RBM39: variants seen among roughly 807,000 people sequenced by gnomAD.
RBM39 encodes the protein RNA-binding protein 39.
A neutral mutation model predicts 79.6 loss-of-function variants in RBM39; 12 were observed. The ratio of observed to expected loss-of-function variants is 0.15; its 90% CI spans 0.10 to 0.24. The LOEUF (loss-of-function observed/expected upper bound fraction) is 0.24, where lower values mean the gene tolerates loss of function less well. Among genes scored for constraint, RBM39 ranks in the 10% least tolerant of loss-of-function variants. RBM39 has a pLI of 1.00. For synonymous variants in RBM39, 185 were observed against 208.4 expected, an observed-to-expected ratio of 0.89 and a Z score of 0.97; for missense variants, 243 against 653.4, an observed-to-expected ratio of 0.37 and a Z score of 6.85.
rs1231759251 is a variant in RBM39 at position 35,703,037 on chromosome 20, A to G, written c.*1444T>C. The G allele has an allele frequency of 6.6e-6, 1 of 152,168 alleles. No homozygotes were observed. Among genetic ancestry groups the G allele is most frequent in the Admixed American group, 6.5e-5 (1 of 15,276 alleles). The allele number at this position is 152,168 out of a possible 1,614,324, so 9.4% of individuals were successfully genotyped here. On this transcript the variant is annotated 3_prime_UTR_variant, in exon 17 of 17. Coordinates refer to ENST00000253363, the MANE Select transcript of RBM39 (RefSeq NM_184234.3). The stretch of plus-strand genomic sequence containing the variant: ...ATAAGCCTGTAAAACTTGTGCTTCA[A>G]TGCTAACAAAAAAAAAAGTTGAACA...
intron 10 of RBM39, among the ~76,000 whole-genome samples, chr20:35,715,010 T>C (rs1174973354): frequency 3.3e-5 from 5 of 152,240 alleles, no homozygotes; most frequent in Non-Finnish European, 5.9e-5. Context: ...CACCAGTTCA[T>C]TGACGTACGT....
At chr20:35,739,788 C>T (rs2146756723) in intron 2 of RBM39, 1 of 254,604 alleles carries the variant, frequency 3.9e-6, no homozygotes, top group South Asian at 4.3e-5. Context: ...ATCAAGAATT[C>T]ATCCAAATTG....
chr20:35,741,466 G>A (rs1200040205), intron 1 of RBM39: 2 of 152,368 alleles, frequency 1.3e-5, no homozygotes, highest in Admixed American at 1.3e-4. Flanking sequence ...GCTTACGTAA[G>A]TAAATCCAAA....
At position 35,732,321 on chromosome 20, in the gene RBM39, G is replaced by GC. The variant is rs1412677844; in HGVS notation, c.102-187dup. The GC allele has an allele frequency of 6.3e-5, 38 of 602,824 alleles. No individual in the cohort carries two copies. In the African/African-American group the frequency reaches 6.3e-4, roughly 10 times the overall value. 37.3% of individuals were successfully genotyped at this position (602,824 alleles called of 1,614,324 possible). A position where few individuals can be genotyped will look rare whatever the true frequency, so the allele number is the denominator to read the frequency against. On this transcript the variant is annotated intron_variant, in intron 3 of 16. Coordinates refer to ENST00000253363, the MANE Select transcript of RBM39 (RefSeq NM_184234.3). ...TCCTGTAATCTCAGCACTTTGGTAG[G>GC]CCGAGGCAGGCAGATCACAAGGTCA...
At position 35,741,030 on chromosome 20, in the gene RBM39, CT is replaced by C. The variant is rs572102658; in HGVS notation, c.-13-144del. ...GACGATTCCGTGAGTAAACATTTTT[CT>C]TTTTTTTTTTTTTTTTTTTTGAGAC... On this transcript the variant is annotated intron_variant, in intron 1 of 16. Transcript: ENST00000253363. 6.2e-3 allele frequency: 795 copies of C among 127,250 alleles called. 10 individuals are homozygous for C. Among genetic ancestry groups the C allele is most frequent in the African/African-American group, 0.035 (681 of 19,334 alleles). The allele number at this position is 127,250 out of a possible 1,614,324, so 7.9% of individuals were successfully genotyped here. A position where few individuals can be genotyped will look rare whatever the true frequency, so the allele number is the denominator to read the frequency against.
intron 7 of RBM39, 104 bp from the exon 8 acceptor site, chr20:35,724,826 TAAA>T: frequency 7.4e-7 from 1 of 1,344,524 alleles, no homozygotes; most frequent in South Asian, 1.4e-5. Flanking sequence ...AAAATTTAAT[TAAA>T]AAAGTAAATC....
At chr20:35,722,942 A>G (rs866299087) in intron 8 of RBM39, among the ~76,000 whole-genome samples, 6,859 of 151,594 alleles carry the variant, frequency 0.045, 194 homozygotes, top group African/African-American at 0.082. Context: ...TCAAGAGAAA[A>G]AAAAAAAAAA....
chr20:35,715,154 T>C (rs2036950765), intron 10 of RBM39, among the ~76,000 whole-genome samples: 1 of 152,200 alleles, frequency 6.6e-6, no homozygotes, highest in Admixed American at 6.5e-5. Context: ...TTAAAAATAC[T>C]ATGTTTCCAG....
At chr20:35,738,685 TAACAAATTTAAAAC>T (rs1217364730) in intron 3 of RBM39, among the ~76,000 whole-genome samples, 1 of 152,158 alleles carries the variant, frequency 6.6e-6, no homozygotes, top group Non-Finnish European at 1.5e-5. Flanking sequence ...AAACCAAAGT[TAACAAATTTAAAAC>T]AAGACAACCT....
intron 3 of RBM39, among the ~76,000 whole-genome samples, chr20:35,736,350 G>C (rs949186780): frequency 2.6e-5 from 4 of 151,782 alleles, no homozygotes; most frequent in Non-Finnish European, 5.9e-5. Context: ...TCCCATCCAA[G>C]CTTATACCAG....
At chr20:35,707,042 A>AAG in intron 14 of RBM39, 78 bp downstream of exon 14, 1 of 667,264 alleles carries the variant, frequency 1.5e-6, no homozygotes, top group Non-Finnish European at 2.2e-6. Flanking sequence ...AAAAAAAAAA[A>AAG]AAAAAAAAAG....
intron 9 of RBM39, among the ~76,000 whole-genome samples, chr20:35,718,727 C>T (rs1403564975): frequency 1.3e-5 from 2 of 149,438 alleles, no homozygotes; most frequent in South Asian, 2.1e-4. Flanking sequence ...GCAGGAGAAT[C>T]GCTTGAACCT....
At chr20:35,737,102 CA>C (rs2040010770) in intron 3 of RBM39, among the ~76,000 whole-genome samples, 1 of 151,614 alleles carries the variant, frequency 6.6e-6, no homozygotes, top group South Asian at 2.1e-4. Context: ...ACTAAAAACA[CA>C]AAAATTGGCT....
intron 10 of RBM39, among the ~76,000 whole-genome samples, chr20:35,716,249 T>C (rs2037114764): frequency 6.6e-6 from 1 of 152,116 alleles, no homozygotes. Flanking sequence ...AATTTTTGTA[T>C]TTTTACTAGA....
chr20:35,736,217 C>A (rs1237450548), intron 3 of RBM39, among the ~76,000 whole-genome samples: 1 of 152,098 alleles, frequency 6.6e-6, no homozygotes, highest in Non-Finnish European at 1.5e-5. Flanking sequence ...ATTACTGTGG[C>A]AGAAAGTCTA....
At chr20:35,727,236 C>G (rs2038825304) in intron 6 of RBM39, among the ~76,000 whole-genome samples, 1 of 151,900 alleles carries the variant, frequency 6.6e-6, no homozygotes, top group Admixed American at 6.6e-5. Flanking sequence ...ATAGTCCCAG[C>G]TACTCGGGAG....
chr20:35,715,754 C>T (rs1456441684), intron 10 of RBM39, among the ~76,000 whole-genome samples: 2 of 152,138 alleles, frequency 1.3e-5, no homozygotes, highest in African/African-American at 4.8e-5. Flanking sequence ...ATGTGATCCC[C>T]ACTGTGGAAA....
At chr20:35,709,054 G>A in intron 13 of RBM39, 170 bp downstream of exon 13, 1 of 487,082 alleles carries the variant, frequency 2.1e-6, no homozygotes, top group East Asian at 3.3e-5. Context: ...TTTGGGTTAG[G>A]TCTTCTGAAA....
chr20:35,730,148 C>T (rs1464025500), intron 4 of RBM39, among the ~76,000 whole-genome samples: 3 of 152,136 alleles, frequency 2.0e-5, no homozygotes. Context: ...CAAAAATATT[C>T]CATCGTGAAC....
Sources: gnomAD v4.1 joint callset for allele counts (sites outside exome capture counted in the v4.1 genomes callset) on GRCh38, gnomAD v4.1.1 for gene constraint, MANE v1.5 for transcripts, NCBI Gene and HGNC (gene_info 2026-07-23, HGNC 2026-07-21) for gene names.